Variants in UBE2U observed in about 807,000 individuals in gnomAD.
UBE2U encodes ubiquitin-conjugating enzyme E2 U.
In UBE2U, 39 loss-of-function variants were observed where a neutral mutation model predicts 41.2. The observed-to-expected ratio is 0.95, with a 90% CI of 0.73 to 1.24. The LOEUF (loss-of-function observed/expected upper bound fraction) is 1.24, where lower values mean the gene tolerates loss of function less well. UBE2U is among the 50% of genes most tolerant of loss of function. UBE2U has a pLI of 0.00. For synonymous variants in UBE2U, 107 were observed against 117.8 expected (o/e 0.91, Z 0.60); for missense variants, 336 against 363.1 (o/e 0.93, Z 0.61).
intron 6 of UBE2U, among the ~76,000 whole-genome samples, chr1:64,223,637 G>T (rs1461135307): frequency 6.6e-6 from 1 of 152,112 alleles, no homozygotes; most frequent in African/African-American, 2.4e-5. Context: ...GTTTATTGTT[G>T]TAGTACATAA....
chr1:64,232,662 A>C lies in UBE2U; in HGVS notation c.595+13A>C, dbSNP rs1215005893. 1 of 1,590,354 alleles carries C rather than the reference A, an allele frequency of 6.3e-7. No individual in the cohort carries two copies. The highest frequency in any genetic ancestry group is 1.1e-5 in the South Asian group (1 of 88,940). On this transcript the variant is annotated intron_variant, in intron 7 of 9. Coordinates refer to ENST00000371077, the MANE Select transcript of UBE2U (RefSeq NM_001366232.2). ...TACAGAACTCCATGTAAGGTGAACT[A>C]TCCTTATCCTATGTCCTTTTGGTAT... is the stretch of plus-strand genomic sequence containing the variant.
At chr1:64,259,056 A>G (rs1463244922) in intron 8 of UBE2U, among the ~76,000 whole-genome samples, 1 of 152,088 alleles carries the variant, frequency 6.6e-6, no homozygotes, top group Non-Finnish European at 1.5e-5. Flanking sequence ...TTTGATTTGC[A>G]TTTCTCTGAT....
chr1:64,215,818 C>T (rs553053275), intron 5 of UBE2U, among the ~76,000 whole-genome samples: 110 of 151,952 alleles, frequency 7.2e-4, no homozygotes, highest in African/African-American at 2.5e-3. Context: ...TGCCCCTGTG[C>T]GCTCTCTCTC....
chr1:64,266,374 C>T (rs1380977580), intron 9 of UBE2U, among the ~76,000 whole-genome samples: 4 of 152,226 alleles, frequency 2.6e-5, no homozygotes, highest in Non-Finnish European at 2.9e-5. Flanking sequence ...AGATCTGGGA[C>T]GAGTCTTGTT....
intron 5 of UBE2U, among the ~76,000 whole-genome samples, chr1:64,215,844 A>G (rs557406508): frequency 1.0e-4 from 15 of 143,982 alleles, no homozygotes; most frequent in African/African-American, 3.4e-4. Flanking sequence ...CTCTCCAGGT[A>G]GTAGAGCACT....
chr1:64,244,283 C>T lies in UBE2U; in HGVS notation c.677+2550C>T, dbSNP rs143906895. ...TCTTGCAAAGTTGTTTTGCATTTGACGCTTATTATTTTATATATATGATTT... is the reference window on the plus strand; with the variant it reads ...TCTTGCAAAGTTGTTTTGCATTTGATGCTTATTATTTTATATATATGATTT... On this transcript the variant is annotated intron_variant, in intron 8 of 9. Transcript: ENST00000371077. The T allele has an allele frequency of 4.6e-4, 549 of 1,189,588 alleles. 3 individuals are homozygous for T. The African/African-American group carries it at 7.2e-3, about 16-fold the overall frequency. 73.7% of individuals were successfully genotyped at this position (1,189,588 alleles called of 1,614,324 possible). A position where few individuals can be genotyped will look rare whatever the true frequency, so the allele number is the denominator to read the frequency against.
intron 8 of UBE2U, among the ~76,000 whole-genome samples, chr1:64,254,828 A>T (rs972371693): frequency 1.3e-5 from 2 of 152,126 alleles, no homozygotes; most frequent in Non-Finnish European, 2.9e-5. Context: ...AGCTAGAAAG[A>T]TCTTGTTAAC....
intron 4 of UBE2U, among the ~76,000 whole-genome samples, chr1:64,211,388 A>C (rs544608694): frequency 5.5e-4 from 83 of 152,148 alleles, no homozygotes; most frequent in African/African-American, 1.9e-3. Context: ...ACCTTTACCC[A>C]CTGGACCCAT....
intron 5 of UBE2U, among the ~76,000 whole-genome samples, chr1:64,218,739 T>C (rs1425036061): frequency 6.6e-6 from 1 of 152,240 alleles, no homozygotes; most frequent in Non-Finnish European, 1.5e-5. Context: ...TACATTAATA[T>C]GACTTTATAA....
At chr1:64,219,607 C>T (rs557484436) in intron 5 of UBE2U, among the ~76,000 whole-genome samples, 13 of 143,284 alleles carry the variant, frequency 9.1e-5, no homozygotes, top group South Asian at 2.2e-4. Context: ...TTTTTTTAGA[C>T]GGAGTCTCAC....
At position 64,239,157 on chromosome 1, in the gene UBE2U, A is replaced by AAGAAGAAGAAAAGAAGAAGAAGAAGAAG; in HGVS notation, c.596-2494_596-2493insGAAGAAGAAAAGAAGAAGAAGAAGAAGA. ...GAAGAAGAAGAAGAAGAAGAAGAAG[A>AAGAAGAAGAAAAGAAGAAGAAGAAGAAG]AAGAAGAAGAAGAAGAAGAAGAAGA... On this transcript the variant is annotated intron_variant, in intron 7 of 9. Coordinates refer to ENST00000371077, the MANE Select transcript of UBE2U (RefSeq NM_001366232.2). Among the ~76,000 whole-genome samples, 73 of 37,050 alleles carry AAGAAGAAGAAAAGAAGAAGAAGAAGAAG rather than the reference A, an allele frequency of 2.0e-3. 2 individuals carry two copies. The highest frequency in any genetic ancestry group is 4.1e-3 in the South Asian group (3 of 730). 24.3% of individuals were successfully genotyped at this position (37,050 alleles called of 152,430 possible). A position where few individuals can be genotyped will look rare whatever the true frequency, so the allele number is the denominator to read the frequency against.
intron 8 of UBE2U, among the ~76,000 whole-genome samples, chr1:64,249,916 A>G (rs1460491886): frequency 6.6e-6 from 1 of 152,110 alleles, no homozygotes; most frequent in East Asian, 1.9e-4. Flanking sequence ...AAGAAGTTCA[A>G]TGAATCCCAA....
intron 8 of UBE2U, among the ~76,000 whole-genome samples, chr1:64,247,485 T>C (rs1028382334): frequency 1.3e-5 from 2 of 152,102 alleles, no homozygotes; most frequent in African/African-American, 2.4e-5. Context: ...AAGAGACTAA[T>C]GCCTTCCCTT....
rs1187101403 is a variant in UBE2U at position 64,241,733 on chromosome 1, A to C, written c.677A>C (p.Lys226Thr). The change falls in exon 8 of 10, where the codon AAG (lysine) becomes ACG (threonine). Residue 226 changes from lysine to threonine, a missense_variant and splice_region_variant. Coordinates refer to ENST00000371077, the MANE Select transcript of UBE2U (RefSeq NM_001366232.2). ...CAGCATCAGAAAGAATGGAATTTAA[A>C]GTAAGAAATATGAAGTGCCTTGAAT... ...DLQHQKEWNL[K>T]YSVIKCWLAR... 4 of 1,604,456 alleles carry C rather than the reference A, an allele frequency of 2.5e-6. No homozygotes were observed. The highest frequency in any genetic ancestry group is 3.4e-6 in the Non-Finnish European group (4 of 1,174,054).
rs74408534 is a variant in UBE2U at position 64,233,024 on chromosome 1, T to C, written c.595+375T>C. On this transcript the variant is annotated intron_variant, in intron 7 of 9. Coordinates refer to ENST00000371077, the MANE Select transcript of UBE2U (RefSeq NM_001366232.2). Reference sequence around the variant, plus strand: ...TTTTTATTTTTACTTTTTTTTTTTTTCGAGATGGAGTCTGGCTCTGTTGCC... The same window carrying C: ...TTTTTATTTTTACTTTTTTTTTTTTCCGAGATGGAGTCTGGCTCTGTTGCC... Among the ~76,000 whole-genome samples the C allele has an allele frequency of 2.8e-4, 42 of 151,504 alleles. 6 individuals are homozygous for C. In the South Asian group the frequency reaches 3.3e-3, roughly 12 times the overall value.
At chr1:64,254,307 A>C (rs1645057990) in intron 8 of UBE2U, among the ~76,000 whole-genome samples, 1 of 152,210 alleles carries the variant, frequency 6.6e-6, no homozygotes, top group Non-Finnish European at 1.5e-5. Flanking sequence ...ACACAGTAAT[A>C]GTGGGAGACT....
intron 7 of UBE2U, among the ~76,000 whole-genome samples, chr1:64,233,065 T>C (rs1164463491): frequency 1.3e-5 from 2 of 151,946 alleles, no homozygotes; most frequent in Non-Finnish European, 2.9e-5. Context: ...TGGAGTGCAG[T>C]GACGCAATCT....
chr1:64,216,605 T>C (rs1652033410), intron 5 of UBE2U, among the ~76,000 whole-genome samples: 1 of 152,232 alleles, frequency 6.6e-6, no homozygotes, highest in African/African-American at 2.4e-5. Flanking sequence ...CCCTGCCTCG[T>C]GTCAGTACAT....
At chr1:64,256,318 C>T (rs1570143547) in intron 8 of UBE2U, among the ~76,000 whole-genome samples, 1 of 152,186 alleles carries the variant, frequency 6.6e-6, no homozygotes, top group East Asian at 1.9e-4. Flanking sequence ...CAAGACAATC[C>T]TAAGCAAAAA....
Sources: gnomAD v4.1 joint callset for allele counts (sites outside exome capture counted in the v4.1 genomes callset) on GRCh38, gnomAD v4.1.1 for gene constraint, MANE v1.5 for transcripts, NCBI Gene and HGNC (gene_info 2026-07-23, HGNC 2026-07-21) for gene names.